NKAIN2: variants seen among roughly 807,000 people sequenced by gnomAD.
NKAIN2 encodes the protein sodium/potassium-transporting ATPase subunit beta-1-interacting protein 2.
NKAIN2 carries 14 observed loss-of-function variants against 32.6 expected under a neutral mutation model. The ratio of observed to expected loss-of-function variants is 0.43; its 90% CI spans 0.28 to 0.67. NKAIN2 has a LOEUF of 0.67. Ranked by LOEUF, NKAIN2 falls within the 30% of genes least tolerant of loss-of-function variation. NKAIN2 has a pLI of 0.17. For missense variants in NKAIN2, 198 were observed against 258.3 expected (o/e 0.77, Z 1.60); for synonymous variants, 80 against 87.2 (o/e 0.92, Z 0.46).
At chr6:124,741,576 A>C (rs796087474) in intron 4 of NKAIN2, among the ~76,000 whole-genome samples, 22 of 152,004 alleles carry the variant, frequency 1.4e-4, no homozygotes, top group African/African-American at 5.1e-4. Flanking sequence ...ATCTCTGACT[A>C]AAACACTAAG....
chr6:124,354,890 C>T (rs1168007165), intron 2 of NKAIN2, among the ~76,000 whole-genome samples: 2 of 138,334 alleles, frequency 1.4e-5, no homozygotes, highest in Non-Finnish European at 3.1e-5. Flanking sequence ...GCCAACATGA[C>T]AAAACCCCAT....
intron 1 of NKAIN2, among the ~76,000 whole-genome samples, chr6:123,809,251 A>C (rs1210978341): frequency 1.3e-5 from 2 of 151,662 alleles, no homozygotes; most frequent in Non-Finnish European, 2.9e-5. Flanking sequence ...GATTTTTGTT[A>C]TTTTTTTCCC....
chr6:124,467,369 T>C (rs779232288), intron 3 of NKAIN2, among the ~76,000 whole-genome samples: 1 of 152,084 alleles, frequency 6.6e-6, no homozygotes, highest in East Asian at 1.9e-4. Flanking sequence ...ACTACAAACA[T>C]TAAATAGTCT....
chr6:124,398,119 T>G lies in NKAIN2; in HGVS notation c.273+42772T>G, dbSNP rs62436279. Among the ~76,000 whole-genome samples the G allele has an allele frequency of 1.8e-3, 274 of 151,254 alleles. 1 individual carries two copies. Among genetic ancestry groups the G allele is most frequent in the African/African-American group, 6.4e-3 (262 of 41,148 alleles). ...CTACAAAAAATTAGCCGGGCGTGGT[T>G]GCGGGCACCTGTAGTCCCAGCTACT... On this transcript the variant is annotated intron_variant, in intron 3 of 6. Coordinates refer to ENST00000368417, the MANE Select transcript of NKAIN2 (RefSeq NM_001040214.3).
rs956278682 is a variant in NKAIN2, at chr6:124,174,496, A to G, written c.55-108509A>G. ...CATAATTTTAGTAATTTAGCACAAT[A>G]AAAGCTTATTTCTTGTTAAATAGAT... On this transcript the variant is annotated intron_variant, in intron 1 of 6. Coordinates refer to ENST00000368417, the MANE Select transcript of NKAIN2 (RefSeq NM_001040214.3). Among the ~76,000 whole-genome samples the G allele has an allele frequency of 7.9e-5, 12 of 152,312 alleles. No homozygotes were observed. In the East Asian group the frequency reaches 2.3e-3, roughly 29 times the overall value.
intron 1 of NKAIN2, among the ~76,000 whole-genome samples, chr6:124,200,261 C>A (rs1238683883): frequency 6.6e-6 from 1 of 152,120 alleles, no homozygotes; most frequent in East Asian, 1.9e-4. Context: ...TATGTATAGT[C>A]TTTCCTTAAA....
At chr6:124,545,625 T>C (rs1780067920) in intron 3 of NKAIN2, among the ~76,000 whole-genome samples, 1 of 151,428 alleles carries the variant, frequency 6.6e-6, no homozygotes, top group Non-Finnish European at 1.5e-5. Flanking sequence ...GCAGAAAGAA[T>C]ATATGTCTAG....
rs566153634 is a variant in NKAIN2, at chr6:124,348,163, C to T, written c.193-7104C>T. ...TGCAGAACCGTGGATTTTCGTGATC[C>T]GCGAATGCTGCTGTCTGCTTGTTCC... is the stretch of plus-strand genomic sequence containing the variant. On this transcript the variant is annotated intron_variant, in intron 2 of 6. Transcript: ENST00000368417. Among the ~76,000 whole-genome samples, 26 of 152,182 alleles carry T rather than the reference C, an allele frequency of 1.7e-4. 1 individual carries two copies. The South Asian group carries it at 5.0e-3, about 29-fold the overall frequency.
At chr6:124,726,290 G>T (rs1776302318) in intron 4 of NKAIN2, among the ~76,000 whole-genome samples, 2 of 152,142 alleles carry the variant, frequency 1.3e-5, no homozygotes, top group Non-Finnish European at 2.9e-5. Context: ...AGTAACCTCT[G>T]CAGACTTAAA....
chr6:124,238,780 A>C (rs1401817753), intron 1 of NKAIN2, among the ~76,000 whole-genome samples: 1 of 152,198 alleles, frequency 6.6e-6, no homozygotes, highest in East Asian at 1.9e-4. Context: ...TGAAGGAAGC[A>C]CTAAATATGG....
chr6:124,680,133 G>C (rs1056963741), intron 4 of NKAIN2, among the ~76,000 whole-genome samples: 1 of 152,042 alleles, frequency 6.6e-6, no homozygotes, highest in South Asian at 2.1e-4. Flanking sequence ...TAATAATCTG[G>C]TTGTAAAGTA....
intron 3 of NKAIN2, among the ~76,000 whole-genome samples, chr6:124,443,833 G>T (rs932147235): frequency 2.0e-5 from 3 of 151,990 alleles, no homozygotes; most frequent in Non-Finnish European, 4.4e-5. Flanking sequence ...GATCTTTGCA[G>T]ACACTGTTTC....
At chr6:124,238,747 C>T (rs1189551470) in intron 1 of NKAIN2, among the ~76,000 whole-genome samples, 3 of 152,136 alleles carry the variant, frequency 2.0e-5, no homozygotes, top group Non-Finnish European at 4.4e-5. Context: ...TTGTCACCAC[C>T]AGGCCTGCCT....
chr6:124,069,453 A>G (rs145715553), intron 1 of NKAIN2, among the ~76,000 whole-genome samples: 1 of 152,238 alleles, frequency 6.6e-6, no homozygotes, highest in East Asian at 1.9e-4. Flanking sequence ...TCTAATCAAG[A>G]GTACGCAAAA....
chr6:124,635,618 T>C (rs1257124661), intron 3 of NKAIN2, among the ~76,000 whole-genome samples: 1 of 151,946 alleles, frequency 6.6e-6, no homozygotes, highest in African/African-American at 2.4e-5. Context: ...ATACATTCTA[T>C]GGAAACCAAA....
intron 1 of NKAIN2, among the ~76,000 whole-genome samples, chr6:123,945,907 T>A (rs1263125160): frequency 6.6e-6 from 1 of 152,142 alleles, no homozygotes; most frequent in Non-Finnish European, 1.5e-5. Flanking sequence ...TTCAGCACAA[T>A]TTCACCCTTA....
intron 1 of NKAIN2, among the ~76,000 whole-genome samples, chr6:124,033,919 G>A (rs186152244): frequency 2.2e-4 from 33 of 152,156 alleles, no homozygotes; most frequent in Admixed American, 1.5e-3. Flanking sequence ...AATATTTTCT[G>A]TAGGTGTAGA....
chr6:124,703,249 C>T (rs1583675547), intron 4 of NKAIN2, among the ~76,000 whole-genome samples: 1 of 151,646 alleles, frequency 6.6e-6, no homozygotes, highest in East Asian at 1.9e-4. Flanking sequence ...TATGATATGT[C>T]CTCCAAAGTG....
At chr6:124,507,936 A>G (rs1219832302) in intron 3 of NKAIN2, among the ~76,000 whole-genome samples, 1 of 152,132 alleles carries the variant, frequency 6.6e-6, no homozygotes, top group Non-Finnish European at 1.5e-5. Context: ...TAAGTTTAGA[A>G]CACATACTAA....
Sources: allele counts gnomAD v4.1 joint callset (sites outside exome capture counted in the v4.1 genomes callset), GRCh38; gene constraint gnomAD v4.1.1; transcripts MANE v1.5; gene names NCBI Gene and HGNC (gene_info 2026-07-23, HGNC 2026-07-21).